The following NAV2 variants were observed in gnomAD, a reference collection of about 807,000 sequenced individuals.
NAV2 encodes neuron navigator 2, also known as helicase, APC down-regulated 1.
NAV2 carries 54 observed loss-of-function variants against 223.2 expected under a neutral mutation model. That is an observed-to-expected ratio of 0.24 (90% CI 0.19 to 0.30). The LOEUF (loss-of-function observed/expected upper bound fraction) is 0.30. NAV2 is among the 10% of genes least tolerant of loss of function. NAV2 has a pLI of 1.00. For missense variants in NAV2, 2,806 were observed against 3,147.5 expected, an observed-to-expected ratio of 0.89 and a Z score of 2.60; for synonymous variants, 1,279 against 1,239.3, an observed-to-expected ratio of 1.03 and a Z score of -0.67.
intron 1 of NAV2, among the ~76,000 whole-genome samples, chr11:19,543,588 T>C (rs2044398187): frequency 6.6e-6 from 1 of 152,202 alleles, no homozygotes. Flanking sequence ...GAGTCAGATA[T>C]TTTGCCATTT....
At chr11:19,988,104 A>T (rs765483234) in intron 11 of NAV2, among the ~76,000 whole-genome samples, 13 of 152,218 alleles carry the variant, frequency 8.5e-5, no homozygotes, top group Non-Finnish European at 1.2e-4. Flanking sequence ...GAGCTTTGAT[A>T]GTGTAAAGAT....
chr11:19,445,217 G>C (rs1851540459), intron 1 of NAV2, among the ~76,000 whole-genome samples: 1 of 152,162 alleles, frequency 6.6e-6, no homozygotes, highest in Non-Finnish European at 1.5e-5. Context: ...TGGTCCTGAA[G>C]ATAGACAGGG....
At chr11:19,739,074 A>G (rs1034092602) in intron 1 of NAV2, among the ~76,000 whole-genome samples, 4 of 152,194 alleles carry the variant, frequency 2.6e-5, no homozygotes, top group African/African-American at 9.6e-5. Flanking sequence ...TCAGCTACTC[A>G]GCAGGCTAAG....
chr11:19,794,652 C>A lies in NAV2; in HGVS notation c.268-37832C>A, dbSNP rs562836092. On this transcript the variant is annotated intron_variant, in intron 1 of 37. Transcript: ENST00000349880. ...TGTTAGCAGGGAGTTACTTCCTTGG[C>A]TTTGTTCCTAATCTTTCCTGTTATG... 2.6e-5 allele frequency among the ~76,000 whole-genome samples: 4 copies of A among 152,240 alleles called. No homozygotes were observed. The South Asian group carries it at 8.3e-4, about 32-fold the overall frequency.
rs150879555 is a variant in NAV2, at chr11:19,485,458, C to A, written c.75+134431C>A. On this transcript the variant is annotated intron_variant, in intron 1 of 37. Transcript: ENST00000360655. ...AGACTAGCAGGAAGTTACCAACACACAGGGCTTGACTGAGGGACATTTAAA... is the reference window on the plus strand; with the variant it reads ...AGACTAGCAGGAAGTTACCAACACAAAGGGCTTGACTGAGGGACATTTAAA... Among the ~76,000 whole-genome samples, 328 of 152,286 alleles carry A rather than the reference C, an allele frequency of 2.2e-3. 2 individuals are homozygous for A. Among genetic ancestry groups the A allele is most frequent in the African/African-American group, 7.5e-3 (312 of 41,552 alleles).
intron 5 of NAV2, among the ~76,000 whole-genome samples, chr11:19,883,632 G>A (rs1401158544): frequency 6.6e-6 from 1 of 152,134 alleles, no homozygotes; most frequent in Admixed American, 6.5e-5. Context: ...CATGAACATG[G>A]TACAGGATGT....
At chr11:19,501,076 C>T (rs2042949233) in intron 1 of NAV2, among the ~76,000 whole-genome samples, 1 of 152,132 alleles carries the variant, frequency 6.6e-6, no homozygotes, top group South Asian at 2.1e-4. Flanking sequence ...TTGTTCATGG[C>T]TCCTCCTTCC....
At chr11:19,361,175 C>T (rs1590049539) in intron 1 of NAV2, among the ~76,000 whole-genome samples, 1 of 119,130 alleles carries the variant, frequency 8.4e-6, no homozygotes, top group South Asian at 2.5e-4. Flanking sequence ...TAAAGTACTT[C>T]GCACAACACC....
chr11:19,958,500 G>A (rs552010017), intron 10 of NAV2, among the ~76,000 whole-genome samples: 56 of 152,314 alleles, frequency 3.7e-4, no homozygotes, highest in South Asian at 8.3e-4. Context: ...GGTGGGAAAA[G>A]TGTGGGCTGT....
intron 14 of NAV2, among the ~76,000 whole-genome samples, chr11:20,046,024 CGTA>C (rs1250759644): frequency 1.3e-5 from 2 of 152,174 alleles, no homozygotes; most frequent in African/African-American, 4.8e-5. Flanking sequence ...TGTGTCTGGT[CGTA>C]GTATGCACTC....
intron 1 of NAV2, among the ~76,000 whole-genome samples, chr11:19,390,875 A>T (rs986126220): frequency 1.3e-5 from 2 of 152,182 alleles, no homozygotes; most frequent in Admixed American, 1.3e-4. Context: ...ATTGTTCAAT[A>T]ACTACTTGCC....
intron 1 of NAV2, among the ~76,000 whole-genome samples, chr11:19,522,856 G>T (rs2043710236): frequency 6.6e-6 from 1 of 152,222 alleles, no homozygotes; most frequent in Non-Finnish European, 1.5e-5. Context: ...TGGCATGGCT[G>T]CCTAGAGCTC....
intron 1 of NAV2, among the ~76,000 whole-genome samples, chr11:19,818,231 ATTTTTTTT>A (rs34649376): frequency 1.5e-3 from 82 of 56,040 alleles, no homozygotes; most frequent in African/African-American, 6.5e-3. Context: ...GTATTTAGTG[ATTTTTTTT>A]TTTTTTTTTT....
chr11:19,705,503 TC>T (rs2049635323), intron 1 of NAV2, among the ~76,000 whole-genome samples: 1 of 152,212 alleles, frequency 6.6e-6, no homozygotes, highest in Non-Finnish European at 1.5e-5. Flanking sequence ...TGTCCAGGAT[TC>T]TGCAAATCAC....
intron 6 of NAV2, among the ~76,000 whole-genome samples, chr11:19,919,960 C>A (rs1347943581): frequency 6.6e-6 from 1 of 152,022 alleles, no homozygotes; most frequent in Non-Finnish European, 1.5e-5. Flanking sequence ...ATAATGAGAC[C>A]CCCATCTCTA....
rs117082723 is a variant in NAV2 at position 20,000,183 on chromosome 11, A to T, written c.2768+15936A>T. On this transcript the variant is annotated intron_variant, in intron 11 of 37. Coordinates refer to ENST00000349880, the MANE Select transcript of NAV2 (RefSeq NM_145117.5). Reference sequence around the variant, plus strand: ...ACCCGAAGTAGTTAACACGCTCCACATCCTGGCAGGAGGTCTCAATCTTTG... The same window carrying T: ...ACCCGAAGTAGTTAACACGCTCCACTTCCTGGCAGGAGGTCTCAATCTTTG... Among the ~76,000 whole-genome samples the T allele has an allele frequency of 9.2e-5, 14 of 152,316 alleles. No homozygotes were observed. In the East Asian group the frequency reaches 2.7e-3, roughly 29 times the overall value.
chr11:19,961,951 G>A (rs1361787099), intron 10 of NAV2, among the ~76,000 whole-genome samples: 2 of 151,880 alleles, frequency 1.3e-5, no homozygotes, highest in Non-Finnish European at 2.9e-5. Flanking sequence ...AAACCAATAG[G>A]GTGTGTGTAG....
At chr11:19,818,231 A>AT (rs34649376) in intron 1 of NAV2, among the ~76,000 whole-genome samples, 10,711 of 55,924 alleles carry the variant, frequency 0.19, 2,442 homozygotes, top group Admixed American at 0.25. Context: ...GTATTTAGTG[A>AT]TTTTTTTTTT....
At chr11:19,450,389 T>G (rs984298544) in intron 1 of NAV2, among the ~76,000 whole-genome samples, 1 of 152,194 alleles carries the variant, frequency 6.6e-6, no homozygotes, top group Admixed American at 6.5e-5. Flanking sequence ...GAGTGCTGGA[T>G]GAAAACCATT....
Sources: gnomAD v4.1 joint callset for allele counts (sites outside exome capture counted in the v4.1 genomes callset) on GRCh38, gnomAD v4.1.1 for gene constraint, MANE v1.5 for transcripts, NCBI Gene and HGNC (gene_info 2026-07-23, HGNC 2026-07-21) for gene names.